The following ACTR3C variants were observed in gnomAD, a reference collection of about 807,000 sequenced individuals.
ACTR3C encodes the protein actin-related protein 3C.
A neutral mutation model predicts 26.3 loss-of-function variants in ACTR3C; 18 were observed. That is an observed-to-expected ratio of 0.68 (90% CI 0.47 to 1.01). The LOEUF is 1.01. ACTR3C is among the 50% of genes least tolerant of loss of function. The pLI, the probability that ACTR3C is intolerant of heterozygous loss-of-function variation, is 0.00. For synonymous variants in ACTR3C, 55 were observed against 94.5 expected (o/e 0.58, Z 2.42); for missense variants, 184 against 250.7 (o/e 0.73, Z 1.80).
chr7:150,197,069 T>C, the ACTR3C span, among the ~76,000 whole-genome samples: 1 of 152,178 alleles, frequency 6.6e-6, no homozygotes, highest in Admixed American at 6.5e-5. Context: ...CACGGCAGAT[T>C]AAGACTTTTT....
intron 1 of ACTR3C, among the ~76,000 whole-genome samples, chr7:150,321,889 G>A (rs1396944218): frequency 6.6e-6 from 1 of 152,230 alleles, no homozygotes; most frequent in Non-Finnish European, 1.5e-5. Context: ...TCATCTGAAA[G>A]ATATGGGAAA....
the ACTR3C span, among the ~76,000 whole-genome samples, chr7:150,211,757 CCT>C: frequency 1.3e-5 from 2 of 151,778 alleles, no homozygotes; most frequent in African/African-American, 2.4e-5. Flanking sequence ...CTACTGATTC[CCT>C]GTTTCCCTCC....
chr7:149,937,195 TTG>T, the ACTR3C span, among the ~76,000 whole-genome samples: 71,949 of 77,946 alleles, frequency 0.92, 34,184 homozygotes, highest in East Asian at 1. Flanking sequence ...TTGTAGCGCT[TTG>T]TGCTACAAAT....
intron 1 of ACTR3C, among the ~76,000 whole-genome samples, chr7:150,316,860 A>AC (rs1387359163): frequency 3.3e-5 from 5 of 152,040 alleles, no homozygotes; most frequent in African/African-American, 1.2e-4. Flanking sequence ...TTTAGGGAGA[A>AC]CCGATATCTT....
At chr7:150,176,584 T>C in the ACTR3C span, among the ~76,000 whole-genome samples, 10 of 151,104 alleles carry the variant, frequency 6.6e-5, no homozygotes, top group South Asian at 2.1e-3. Flanking sequence ...GGTTGTTTCA[T>C]GTATATCATC....
chr7:150,296,214 T>G (rs888809366), intron 1 of ACTR3C, among the ~76,000 whole-genome samples: 3 of 148,568 alleles, frequency 2.0e-5, no homozygotes, highest in Non-Finnish European at 4.4e-5. Flanking sequence ...CAGCCAAGTG[T>G]GGTGGCACAT....
the ACTR3C span, among the ~76,000 whole-genome samples, chr7:150,031,123 A>G: frequency 7.0e-4 from 106 of 151,158 alleles, 3 homozygotes; most frequent in African/African-American, 2.9e-4. Flanking sequence ...CAGGCATGCT[A>G]GTGTGTGCCT....
chr7:149,977,613 C>G, the ACTR3C span, among the ~76,000 whole-genome samples: 1 of 152,216 alleles, frequency 6.6e-6, no homozygotes, highest in African/African-American at 2.4e-5. Context: ...ATAATGGCCC[C>G]TCCTTCATTC....
chr7:150,080,240 G>C, the ACTR3C span, among the ~76,000 whole-genome samples: 2 of 150,796 alleles, frequency 1.3e-5, no homozygotes, highest in South Asian at 4.3e-4. Context: ...ATCTACAAAA[G>C]CTCAAAGTCA....
At chr7:150,007,886 G>C in the ACTR3C span, among the ~76,000 whole-genome samples, 1 of 152,068 alleles carries the variant, frequency 6.6e-6, no homozygotes, top group African/African-American at 2.4e-5. Context: ...GTGGTGAGTT[G>C]AGCAAAGCCA....
At chr7:150,089,658 T>C in the ACTR3C span, among the ~76,000 whole-genome samples, 37 of 152,338 alleles carry the variant, frequency 2.4e-4, no homozygotes, top group East Asian at 6.4e-3. Flanking sequence ...AGACCTACGC[T>C]AGGTGCTGCC....
the ACTR3C span, among the ~76,000 whole-genome samples, chr7:150,203,526 A>G: frequency 6.6e-6 from 1 of 152,144 alleles, no homozygotes; most frequent in South Asian, 2.1e-4. Flanking sequence ...GATAGCACTG[A>G]CAATTTACAT....
At chr7:150,002,382 T>G in the ACTR3C span, 3 of 152,338 alleles carry the variant, frequency 2.0e-5, no homozygotes, top group Non-Finnish European at 4.4e-5. Context: ...CAAGTCCCAG[T>G]GACTATATCA....
chr7:150,104,209 G>C, the ACTR3C span, among the ~76,000 whole-genome samples: 106 of 151,374 alleles, frequency 7.0e-4, 2 homozygotes, highest in African/African-American at 2.5e-3. Flanking sequence ...AGACATGGAA[G>C]TGCCATGTCT....
chr7:150,216,029 TCC>T, the ACTR3C span, among the ~76,000 whole-genome samples: 163 of 151,494 alleles, frequency 1.1e-3, 2 homozygotes, highest in Middle Eastern at 3.2e-3. Context: ...CTTAGTGAAC[TCC>T]TAGCAGGATA....
the ACTR3C span, chr7:149,882,224 G>C: frequency 6.6e-6 from 1 of 152,456 alleles, no homozygotes; most frequent in Non-Finnish European, 1.5e-5. Context: ...CCCAGGATTG[G>C]GGTGGGGGGC....
At chr7:150,164,534 T>G in the ACTR3C span, among the ~76,000 whole-genome samples, 2 of 151,980 alleles carry the variant, frequency 1.3e-5, no homozygotes, top group Non-Finnish European at 2.9e-5. Context: ...AAGTAAGAAT[T>G]ATAATTTTAT....
At chr7:150,095,886 CCATATAAACTACAGTCACTGA>C in the ACTR3C span, among the ~76,000 whole-genome samples, 453 of 150,524 alleles carry the variant, frequency 3.0e-3, 8 homozygotes, top group Non-Finnish European at 5.4e-3. Context: ...ACAAAATTCT[CCATATAAACTACAGTCACTGA>C]CATATAAACT....
At chr7:149,962,981 G>A in the ACTR3C span, among the ~76,000 whole-genome samples, 1 of 152,230 alleles carries the variant, frequency 6.6e-6, no homozygotes, top group African/African-American at 2.4e-5. Flanking sequence ...ACAAAGTCTG[G>A]TTTGGGAGCT....
Sources: allele counts gnomAD v4.1 joint callset (sites outside exome capture counted in the v4.1 genomes callset), GRCh38; gene constraint gnomAD v4.1.1; transcripts MANE v1.5; gene names NCBI Gene and HGNC (gene_info 2026-07-23, HGNC 2026-07-21).